The following NME9 variants were observed in gnomAD, a reference collection of about 807,000 sequenced individuals.
The protein encoded by NME9 is thioredoxin domain-containing protein 6.
NME9 carries 48 observed loss-of-function variants against 44.4 expected under a neutral mutation model. The observed-to-expected ratio is 1.08, with a 90% CI of 0.86 to 1.37. The LOEUF is 1.37. Ranked by LOEUF, NME9 falls within the 40% of genes most tolerant of loss-of-function variation. The pLI is 0.00. For synonymous variants in NME9, 139 were observed against 147.1 expected (o/e 0.94, Z 0.40); for missense variants, 325 against 405.2 (o/e 0.80, Z 1.70).
chr3:138,326,979 T>TA (rs60371178), intron 1 of NME9: 2,743 of 73,380 alleles, frequency 0.037, 87 homozygotes, highest in Non-Finnish European at 0.06. Flanking sequence ...CTGCCTCTAC[T>TA]AAAAAAAAAA....
intron 8 of NME9, chr3:138,272,850 C>G: frequency 1.1e-6 from 1 of 917,718 alleles, no homozygotes; most frequent in South Asian, 2.7e-5. Context: ...CCAGCCTGGG[C>G]GACAGAGCAA....
intron 8 of NME9, among the ~76,000 whole-genome samples, chr3:138,286,088 C>T (rs901578726): frequency 6.6e-6 from 1 of 152,080 alleles, no homozygotes; most frequent in Admixed American, 6.6e-5. Context: ...GGATTACAGG[C>T]GCGGCACTAT....
chr3:138,323,901 C>T (rs1460056568), intron 2 of NME9, among the ~76,000 whole-genome samples: 1 of 152,202 alleles, frequency 6.6e-6, no homozygotes, highest in Non-Finnish European at 1.5e-5. Context: ...ATGATCCCCA[C>T]CTCTTGGTCC....
intron 4 of NME9, 47 bp downstream of exon 4, chr3:138,318,101 A>C: frequency 8.6e-7 from 1 of 1,160,244 alleles, no homozygotes; most frequent in Non-Finnish European, 1.3e-6. Context: ...TTTGAACTCT[A>C]ATGATTTGCA....
chr3:138,320,292 G>A lies in NME9; in HGVS notation c.92-711C>T, dbSNP rs539949303. 2.3e-4 allele frequency among the ~76,000 whole-genome samples: 35 copies of A among 152,246 alleles called. No individual in the cohort carries two copies. In the East Asian group the frequency reaches 6.0e-3, roughly 26 times the overall value. ...TGGATCTGTGCAGGACCTGCCCCACGCGACCATGAAGCAGCAGCAAGGGCT... is the reference window on the plus strand; with the variant it reads ...TGGATCTGTGCAGGACCTGCCCCACACGACCATGAAGCAGCAGCAAGGGCT... On this transcript the variant is annotated intron_variant, in intron 2 of 10. Coordinates refer to ENST00000333911, the MANE Select transcript of NME9 (RefSeq NM_001349018.2).
intron 8 of NME9, among the ~76,000 whole-genome samples, chr3:138,280,028 C>T (rs2049724532): frequency 6.6e-6 from 1 of 151,800 alleles, no homozygotes; most frequent in African/African-American, 2.4e-5. Context: ...CTCCACCTCC[C>T]AAGTAGCTGG....
rs534249192 is a variant in NME9, at chr3:138,292,183, G to A, written c.745+11324C>T. 1.2e-4 allele frequency among the ~76,000 whole-genome samples: 19 copies of A among 152,176 alleles called. No homozygotes were observed. The South Asian group carries it at 3.1e-3, about 25-fold the overall frequency. The stretch of plus-strand genomic sequence containing the variant: ...CTCCCAGGTAGCTGGGATTACAGGC[G>A]CCTGCCACCACGCCCAGCTAATTTT... On this transcript the variant is annotated intron_variant, in intron 8 of 8. Transcript: ENST00000317876.
At chr3:138,285,827 G>A (rs576833638) in intron 8 of NME9, among the ~76,000 whole-genome samples, 28 of 152,140 alleles carry the variant, frequency 1.8e-4, no homozygotes, top group African/African-American at 6.0e-4. Context: ...CTTCAACCAG[G>A]GATTCCCTTA....
intron 8 of NME9, among the ~76,000 whole-genome samples, chr3:138,293,873 C>T (rs2051218266): frequency 6.6e-6 from 1 of 152,192 alleles, no homozygotes; most frequent in African/African-American, 2.4e-5. Context: ...AGCCTGCTTG[C>T]TTAGACCACT....
chr3:138,275,621 C>A (rs2049213091), intron 8 of NME9, among the ~76,000 whole-genome samples: 1 of 151,948 alleles, frequency 6.6e-6, no homozygotes, highest in Non-Finnish European at 1.5e-5. Context: ...GAAACTCGCC[C>A]AAGGTCATCA....
intron 8 of NME9, among the ~76,000 whole-genome samples, chr3:138,287,269 C>G (rs970386198): frequency 6.6e-6 from 1 of 152,224 alleles, no homozygotes; most frequent in African/African-American, 2.4e-5. Flanking sequence ...ACCTACTTCT[C>G]TGAACAGACA....
At chr3:138,302,295 C>T (rs565949073) in intron 10 of NME9, among the ~76,000 whole-genome samples, 1 of 152,260 alleles carries the variant, frequency 6.6e-6, no homozygotes, top group South Asian at 2.1e-4. Flanking sequence ...CAGATAGCCC[C>T]TTTTCTTATC....
intron 8 of NME9, among the ~76,000 whole-genome samples, chr3:138,294,336 C>G (rs941967141): frequency 6.6e-6 from 1 of 152,190 alleles, no homozygotes; most frequent in Non-Finnish European, 1.5e-5. Flanking sequence ...TCCCAGAGCT[C>G]CCGCCTCCAT....
intron 8 of NME9, among the ~76,000 whole-genome samples, chr3:138,263,217 T>C (rs1211587807): frequency 6.6e-6 from 1 of 152,238 alleles, no homozygotes; most frequent in African/African-American, 2.4e-5. Context: ...ATGATTATAG[T>C]GATTATATGT....
At chr3:138,282,355 G>T (rs892791718) in intron 8 of NME9, among the ~76,000 whole-genome samples, 2 of 152,098 alleles carry the variant, frequency 1.3e-5, no homozygotes, top group African/African-American at 4.8e-5. Context: ...AGAGAGAAAA[G>T]AATACTTGTA....
chr3:138,266,914 C>G (rs1165704868), intron 8 of NME9, among the ~76,000 whole-genome samples: 4 of 152,154 alleles, frequency 2.6e-5, no homozygotes, highest in Non-Finnish European at 4.4e-5. Context: ...CTCCTCCCTG[C>G]AAGAGCCCCC....
At chr3:138,269,820 CT>C (rs77095833) in intron 8 of NME9, among the ~76,000 whole-genome samples, 132 of 121,660 alleles carry the variant, frequency 1.1e-3, no homozygotes, top group Middle Eastern at 4.6e-3. Context: ...TGTTTTCTTT[CT>C]TTTTTTTTTT....
intron 4 of NME9, 118 bp from the exon 5 acceptor site, chr3:138,315,761 G>A: frequency 1.4e-6 from 1 of 730,668 alleles, no homozygotes. Context: ...CAGGCCTGTA[G>A]CAGCGTGCTC....
In NME9 at chr3:138,319,524, T is replaced by C. The variant is rs757011813; in HGVS notation, c.149A>G (p.Gln50Arg). ...GPCKPVVSLF[Q>R]KMRIEVGLDL... ...CAGGCCGACCTCGATCCTCATCTTC[T>C]GGAAGAGGCTCACCACAGGTTTGCA... Residue 50 changes from glutamine (Q) to arginine (R), a missense_variant, in exon 3 of 11, where the codon CAG becomes CGG. Gln to Arg is a conservative substitution (Grantham distance 43, BLOSUM62 1). Transcript: ENST00000333911. The C allele has an allele frequency of 4.3e-6, 7 of 1,613,570 alleles. No homozygotes were observed. In the South Asian group the frequency reaches 6.6e-5, roughly 15 times the overall value.
Sources: gnomAD v4.1 joint callset for allele counts (sites outside exome capture counted in the v4.1 genomes callset) on GRCh38, gnomAD v4.1.1 for gene constraint, MANE v1.5 for transcripts, NCBI Gene and HGNC (gene_info 2026-07-23, HGNC 2026-07-21) for gene names.